The following WDR89 variants were observed in gnomAD, a reference collection of about 807,000 sequenced individuals.
WDR89 encodes WD repeat-containing protein 89.
Under a neutral mutation model 29.1 loss-of-function variants are expected in WDR89, and 17 were observed. The observed-to-expected ratio is 0.58, with a 90% CI of 0.40 to 0.88. The LOEUF is 0.88. Among genes scored for constraint, WDR89 ranks in the 40% least tolerant of loss-of-function variants. The pLI is 0.00. For missense variants in WDR89, 396 were observed against 456.3 expected (o/e 0.87, Z 1.20); for synonymous variants, 138 against 157.8 (o/e 0.87, Z 0.94).
In WDR89 at chr14:63,599,099, A is replaced by G. The variant is rs752074989; in HGVS notation, c.844T>C (p.Tyr282His). 13 of 1,614,090 alleles carry G rather than the reference A, an allele frequency of 8.1e-6. No individual in the cohort carries two copies. Among genetic ancestry groups the G allele is most frequent in the Non-Finnish European group, 1.1e-5 (13 of 1,180,010 alleles). The change falls in exon 3 of 3, where the codon TAT (tyrosine) becomes CAT (histidine). Residue 282 changes from tyrosine (Y) to histidine (H), a missense_variant. By Grantham distance (83) the Tyr-to-His change is moderately conservative (BLOSUM62 2). Transcript: ENST00000620954. ...TGCAATGTGTCTGTCTTTTCATGAT[A>G]TAGGCCACCAATCAAATAGTCCAAA... ...DALDYLIGGL[Y>H]HEKTDTLHVI...
chr14:63,638,439 G>A (rs576334073), intron 1 of WDR89, among the ~76,000 whole-genome samples: 1 of 152,230 alleles, frequency 6.6e-6, no homozygotes, highest in African/African-American at 2.4e-5. Flanking sequence ...AAATTTAAAA[G>A]TAAAACAATA....
chr14:63,625,248 A>G (rs919432832), intron 1 of WDR89, among the ~76,000 whole-genome samples: 10 of 152,216 alleles, frequency 6.6e-5, no homozygotes, highest in African/African-American at 2.4e-4. Flanking sequence ...AACATTCTGG[A>G]AAAAGCAAAA....
intron 1 of WDR89, among the ~76,000 whole-genome samples, chr14:63,640,171 G>A (rs2139588399): frequency 6.6e-6 from 1 of 152,310 alleles, no homozygotes; most frequent in South Asian, 2.1e-4. Flanking sequence ...TCACTTAAAT[G>A]GTACTTGACT....
intron 2 of WDR89, among the ~76,000 whole-genome samples, chr14:63,617,803 T>A (rs1304463085): frequency 6.6e-6 from 1 of 152,042 alleles, no homozygotes; most frequent in Non-Finnish European, 1.5e-5. Context: ...TACATAGCAA[T>A]AAAAAACATG....
Position 63,597,393 on chromosome 14 carries a change from C to T in WDR89, c.*1386G>A, listed in dbSNP as rs1322821422. 6.6e-6 allele frequency: 1 copy of T among 152,078 alleles called. No homozygotes were observed. The highest frequency in any genetic ancestry group is 1.5e-5 in the Non-Finnish European group (1 of 68,014). 9.4% of individuals were successfully genotyped at this position (152,078 alleles called of 1,614,324 possible). A position where few individuals can be genotyped will look rare whatever the true frequency, so the allele number is the denominator to read the frequency against. On this transcript the variant is annotated 3_prime_UTR_variant, in exon 3 of 3. Transcript: ENST00000620954. ...GCCATTTATGTTATTTCTAATAACCCACTGCCCCCATTTCTTTTTTAACTT... is the reference window on the plus strand; with the variant it reads ...GCCATTTATGTTATTTCTAATAACCTACTGCCCCCATTTCTTTTTTAACTT...
Position 63,639,230 on chromosome 14 carries a change from A to G in WDR89, c.-138+2574T>C, listed in dbSNP as rs560701795. Among the ~76,000 whole-genome samples the G allele has an allele frequency of 2.0e-5, 3 of 152,184 alleles. No homozygotes were observed. In the South Asian group the frequency reaches 6.2e-4, roughly 31 times the overall value. On this transcript the variant is annotated intron_variant, in intron 1 of 2. Transcript: ENST00000620954. Reference sequence around the variant, plus strand: ...TTCTGACCTCCAGAACTAAAAGACAATAAATGAGGCTGAGCATGGTGGCTC... The same window carrying G: ...TTCTGACCTCCAGAACTAAAAGACAGTAAATGAGGCTGAGCATGGTGGCTC...
chr14:63,619,451 C>A (rs1882530441), intron 2 of WDR89, among the ~76,000 whole-genome samples: 1 of 151,744 alleles, frequency 6.6e-6, no homozygotes, highest in Non-Finnish European at 1.5e-5. Flanking sequence ...AGAGAAATAC[C>A]AACAAGTTAT....
intron 1 of WDR89, among the ~76,000 whole-genome samples, chr14:63,629,841 C>T (rs528956837): frequency 1.3e-5 from 2 of 152,090 alleles, no homozygotes; most frequent in Admixed American, 6.6e-5. Flanking sequence ...CAGGGAATGA[C>T]TAAAGCAGTA....
At chr14:63,611,335 C>CAA (rs769975882) in intron 2 of WDR89, among the ~76,000 whole-genome samples, 229 of 22,316 alleles carry the variant, frequency 0.01, no homozygotes, top group Middle Eastern at 0.026. Flanking sequence ...GGCCCTGTCG[C>CAA]AAAAAAAAAA....
At chr14:63,607,891 A>C (rs1358186422) in intron 2 of WDR89, among the ~76,000 whole-genome samples, 33 of 150,170 alleles carry the variant, frequency 2.2e-4, no homozygotes, top group Non-Finnish European at 5.9e-5. Flanking sequence ...CAAAAAAAAA[A>C]AAAAAAGAAA....
At position 63,598,970 on chromosome 14, in the gene WDR89, G is replaced by T; in HGVS notation, c.973C>A (p.Arg325Ser). The T allele has an allele frequency of 6.2e-7, 1 of 1,614,152 alleles. No individual in the cohort carries two copies. The highest frequency in any genetic ancestry group is 1.1e-5 in the South Asian group (1 of 91,074). ...SLQGGHAATVRSFCWNVQDDS... is the reference protein window; with the variant it reads ...SLQGGHAATVSSFCWNVQDDS... ...TCTTGCACATTCCAACAGAAAGAAC[G>T]GACTGTAGCAGCATGCCCTCCCTGA... Residue 325 changes from arginine to serine, a missense_variant, in exon 3 of 3, where the codon CGT becomes AGT. By Grantham distance (110) the Arg-to-Ser change is moderately radical (BLOSUM62 -1). Transcript: ENST00000620954.
chr14:63,613,503 A>ATTT (rs879462925), intron 2 of WDR89, among the ~76,000 whole-genome samples: 1 of 139,210 alleles, frequency 7.2e-6, no homozygotes, highest in Non-Finnish European at 1.6e-5. Context: ...ATACTGCTGA[A>ATTT]TTTTTTTTTT....
At chr14:63,615,633 GA>G (rs1444252187) in intron 2 of WDR89, among the ~76,000 whole-genome samples, 3 of 152,122 alleles carry the variant, frequency 2.0e-5, no homozygotes, top group Admixed American at 6.6e-5. Flanking sequence ...CCCTACTCAA[GA>G]ATTCAAAAAC....
intron 1 of WDR89, among the ~76,000 whole-genome samples, chr14:63,627,415 T>C (rs1202807173): frequency 6.6e-6 from 1 of 152,134 alleles, no homozygotes; most frequent in Non-Finnish European, 1.5e-5. Flanking sequence ...AAAACAACAT[T>C]AAGTAGCTTT....
intron 1 of WDR89, among the ~76,000 whole-genome samples, chr14:63,627,438 A>G (rs1883144716): frequency 6.6e-6 from 1 of 152,186 alleles, no homozygotes; most frequent in African/African-American, 2.4e-5. Context: ...TAAAAAAATT[A>G]AAGTCCATAG....
chr14:63,599,560 T>C lies in WDR89; in HGVS notation c.383A>G (p.His128Arg), dbSNP rs1023719305. 2.5e-6 allele frequency: 4 copies of C among 1,614,020 alleles called. No individual in the cohort carries two copies. Among genetic ancestry groups the C allele is most frequent in the African/African-American group, 2.7e-5 (2 of 74,916 alleles). ...FISFDINCND[H>R]IICAGTEKVD... is the part of the protein sequence containing the mutation. Reference sequence around the variant, plus strand: ...TTTTTCTGTACCAGCACAAATAATATGATCATTACAATTAATATCAAAACT... The same window carrying C: ...TTTTTCTGTACCAGCACAAATAATACGATCATTACAATTAATATCAAAACT... Residue 128 changes from histidine (H) to arginine (R), a missense_variant, in exon 3 of 3, where the codon CAT becomes CGT. Transcript: ENST00000620954.
chr14:63,608,098 C>T (rs1010329395), intron 2 of WDR89, among the ~76,000 whole-genome samples: 2 of 149,830 alleles, frequency 1.3e-5, no homozygotes, highest in Non-Finnish European at 3.0e-5. Context: ...CCCAGCTACT[C>T]GGGAGGCTGA....
chr14:63,604,712 CCTAA>C (rs1292038760), intron 2 of WDR89, among the ~76,000 whole-genome samples: 4 of 152,310 alleles, frequency 2.6e-5, no homozygotes, highest in Middle Eastern at 6.8e-3. Flanking sequence ...GAACTTATTA[CCTAA>C]CTCTTTCTTG....
chr14:63,624,704 C>T (rs927347933), intron 2 of WDR89, among the ~76,000 whole-genome samples: 2 of 151,952 alleles, frequency 1.3e-5, no homozygotes, highest in Non-Finnish European at 2.9e-5. Flanking sequence ...GACAAATAAG[C>T]ACGAGGAGCC....
Sources: gnomAD v4.1 joint callset for allele counts (sites outside exome capture counted in the v4.1 genomes callset) on GRCh38, gnomAD v4.1.1 for gene constraint, MANE v1.5 for transcripts, NCBI Gene and HGNC (gene_info 2026-07-23, HGNC 2026-07-21) for gene names.